The following MACROD2 variants were observed in gnomAD, a reference collection of about 807,000 sequenced individuals.
MACROD2 encodes ADP-ribose glycohydrolase MACROD2.
In MACROD2, 36 loss-of-function variants were observed where a neutral mutation model predicts 70.4. The observed-to-expected ratio is 0.51, with a 90% CI of 0.39 to 0.68. The LOEUF (loss-of-function observed/expected upper bound fraction) is 0.68, where lower values mean the gene tolerates loss of function less well. Ranked by LOEUF, MACROD2 falls within the 30% of genes least tolerant of loss-of-function variation. The pLI, the probability that MACROD2 is intolerant of heterozygous loss-of-function variation, is 0.00. For missense variants in MACROD2, 496 were observed against 538.4 expected, an observed-to-expected ratio of 0.92 and a Z score of 0.78; for synonymous variants, 172 against 178.8, an observed-to-expected ratio of 0.96 and a Z score of 0.30.
intron 7 of MACROD2, 104 bp from the exon 8 acceptor site, chr20:15,499,670 C>T: frequency 2.0e-6 from 2 of 989,270 alleles, no homozygotes; most frequent in South Asian, 1.4e-5. Flanking sequence ...ATTGGTTGAA[C>T]TGAATGTTGT....
chr20:14,555,811 C>T (rs941779641), intron 4 of MACROD2, among the ~76,000 whole-genome samples: 2 of 151,980 alleles, frequency 1.3e-5, no homozygotes, highest in Non-Finnish European at 2.9e-5. Context: ...TTTATTAGTA[C>T]ATTTTCTTTT....
intron 5 of MACROD2, among the ~76,000 whole-genome samples, chr20:14,957,170 AAG>A (rs2074544716): frequency 6.6e-6 from 1 of 152,118 alleles, no homozygotes; most frequent in East Asian, 1.9e-4. Flanking sequence ...TAATGTAAAA[AAG>A]AACTTGGACC....
At chr20:15,014,144 C>G (rs2075103920) in intron 5 of MACROD2, among the ~76,000 whole-genome samples, 1 of 152,158 alleles carries the variant, frequency 6.6e-6, no homozygotes, top group South Asian at 2.1e-4. Context: ...TGAAAACCAC[C>G]ATATACTCTT....
chr20:14,563,150 C>T (rs1368269040), intron 4 of MACROD2, among the ~76,000 whole-genome samples: 2 of 151,754 alleles, frequency 1.3e-5, no homozygotes, highest in African/African-American at 4.8e-5. Context: ...GATTTTCCAC[C>T]AGCATCTTCC....
intron 8 of MACROD2, among the ~76,000 whole-genome samples, chr20:15,517,554 A>G (rs1367297956): frequency 6.6e-6 from 1 of 152,256 alleles, no homozygotes; most frequent in Non-Finnish European, 1.5e-5. Flanking sequence ...TTCCCAGAAC[A>G]TTGAACAATG....
chr20:14,704,881 TGG>T (rs2071250366), intron 5 of MACROD2, among the ~76,000 whole-genome samples: 1 of 151,872 alleles, frequency 6.6e-6, no homozygotes. Context: ...TGGCAGGGGC[TGG>T]CTTTTGAGAC....
intron 6 of MACROD2, among the ~76,000 whole-genome samples, chr20:15,284,192 C>G (rs920532533): frequency 6.6e-6 from 1 of 152,002 alleles, no homozygotes; most frequent in African/African-American, 2.4e-5. Flanking sequence ...TCTGTCTGTG[C>G]TTTCTCTCAT....
intron 5 of MACROD2, among the ~76,000 whole-genome samples, chr20:14,867,683 G>A (rs951440032): frequency 6.6e-6 from 1 of 151,930 alleles, no homozygotes; most frequent in Non-Finnish European, 1.5e-5. Flanking sequence ...GTGTATTTTG[G>A]TTGTCTCCAA....
intron 8 of MACROD2, among the ~76,000 whole-genome samples, chr20:15,627,483 G>A (rs1162824067): frequency 6.6e-6 from 1 of 152,094 alleles, no homozygotes; most frequent in Non-Finnish European, 1.5e-5. Flanking sequence ...TGTAGGTTAG[G>A]GGTTTTTCAA....
intron 8 of MACROD2, among the ~76,000 whole-genome samples, chr20:15,543,741 G>C (rs2047989455): frequency 6.6e-6 from 1 of 152,220 alleles, no homozygotes; most frequent in Admixed American, 6.5e-5. Context: ...CAGGCCAAAT[G>C]GCTCTGCTAG....
In MACROD2 at chr20:15,257,610, G is replaced by C. The variant is rs542647578; in HGVS notation, c.540+27549G>C. Among the ~76,000 whole-genome samples, 10 of 152,120 alleles carry C rather than the reference G, an allele frequency of 6.6e-5. 1 individual carries two copies. The highest frequency in any genetic ancestry group is 2.0e-4 in the Admixed American group (3 of 15,254). On this transcript the variant is annotated intron_variant, in intron 6 of 17. Coordinates refer to ENST00000684519, the MANE Select transcript of MACROD2 (RefSeq NM_001351661.2). ...AGCTGAAAAATTTCTATCTTCTTAA[G>C]GTTGTAACACAATGCATGAGTCATG...
intron 7 of MACROD2, among the ~76,000 whole-genome samples, chr20:15,477,412 C>A (rs1470170751): frequency 1.3e-5 from 2 of 152,098 alleles, no homozygotes; most frequent in African/African-American, 4.8e-5. Flanking sequence ...ACTTTTAAAT[C>A]AGATTTTTAA....
At chr20:14,365,400 TA>T (rs1458131571) in intron 3 of MACROD2, among the ~76,000 whole-genome samples, 1 of 151,270 alleles carries the variant, frequency 6.6e-6, no homozygotes, top group Non-Finnish European at 1.5e-5. Flanking sequence ...AATTATATAA[TA>T]ATATTTATGT....
chr20:14,036,373 A>G (rs1307958615), intron 2 of MACROD2, among the ~76,000 whole-genome samples: 1 of 152,176 alleles, frequency 6.6e-6, no homozygotes, highest in African/African-American at 2.4e-5. Context: ...TGAAACATAG[A>G]TTCCTGCATA....
intron 8 of MACROD2, among the ~76,000 whole-genome samples, chr20:15,707,663 G>A (rs8122835): frequency 0.25 from 38,376 of 151,836 alleles, 5,458 homozygotes; most frequent in African/African-American, 0.4. Context: ...GGTGCCTGTA[G>A]TCCGAGCTGT....
intron 5 of MACROD2, among the ~76,000 whole-genome samples, chr20:15,130,267 T>C (rs1302424251): frequency 1.4e-4 from 22 of 151,858 alleles, no homozygotes; most frequent in Non-Finnish European, 1.0e-4. Flanking sequence ...CATCCACCCA[T>C]CCATCCATCT....
intron 8 of MACROD2, among the ~76,000 whole-genome samples, chr20:15,550,608 C>T (rs1036152672): frequency 5.9e-5 from 9 of 152,158 alleles, no homozygotes; most frequent in South Asian, 4.1e-4. Context: ...GACACTCTGA[C>T]ACTGTGCAAA....
intron 8 of MACROD2, among the ~76,000 whole-genome samples, chr20:15,609,359 G>A (rs2048936073): frequency 6.6e-6 from 1 of 152,206 alleles, no homozygotes; most frequent in African/African-American, 2.4e-5. Flanking sequence ...TTAGAACTGA[G>A]AAACAAGCTC....
intron 6 of MACROD2, among the ~76,000 whole-genome samples, chr20:15,284,911 T>G (rs2077477437): frequency 6.6e-6 from 1 of 152,228 alleles, no homozygotes; most frequent in Admixed American, 6.5e-5. Flanking sequence ...GATAGTTATT[T>G]TGTTGCTATT....
Sources: allele counts gnomAD v4.1 joint callset (sites outside exome capture counted in the v4.1 genomes callset), GRCh38; gene constraint gnomAD v4.1.1; transcripts MANE v1.5; gene names NCBI Gene and HGNC (gene_info 2026-07-23, HGNC 2026-07-21).